Variants in SPAG16 observed in about 807,000 individuals in gnomAD.
SPAG16 encodes the protein sperm associated antigen 16.
In SPAG16, 86 loss-of-function variants were observed where a neutral mutation model predicts 80.4. The ratio of observed to expected loss-of-function variants is 1.07; its 90% confidence interval spans 0.90 to 1.28. The LOEUF is 1.28. SPAG16 is among the 50% of genes most tolerant of loss of function. The pLI is 0.00. For synonymous variants in SPAG16, 294 were observed against 265.9 expected, an observed-to-expected ratio of 1.11 and a Z score of -1.03; for missense variants, 870 against 765.3, an observed-to-expected ratio of 1.14 and a Z score of -1.61.
chr2:213,645,982 T>G (rs959974388), intron 10 of SPAG16, among the ~76,000 whole-genome samples: 121 of 152,284 alleles, frequency 7.9e-4, no homozygotes, highest in African/African-American at 2.7e-3. Flanking sequence ...GTTCCCTCAG[T>G]GGGCCAGTGT....
At chr2:213,909,202 A>C (rs2077555016) in intron 11 of SPAG16, among the ~76,000 whole-genome samples, 1 of 152,184 alleles carries the variant, frequency 6.6e-6, no homozygotes, top group African/African-American at 2.4e-5. Flanking sequence ...GGACAACTAC[A>C]AACCACTGCT....
chr2:213,672,416 C>A lies in SPAG16; in HGVS notation c.1070+182326C>A, dbSNP rs964657657. ...ATCCTTCCTTTCTCTTTCTTTCCAA[C>A]ATTGCCAACTGACAAACAACCCTTC... On this transcript the variant is annotated intron_variant, in intron 10 of 15. Transcript: ENST00000331683. 7.2e-5 allele frequency among the ~76,000 whole-genome samples: 11 copies of A among 152,052 alleles called. No individual in the cohort carries two copies. The East Asian group carries it at 9.7e-4, about 13-fold the overall frequency.
intron 10 of SPAG16, among the ~76,000 whole-genome samples, chr2:213,703,444 T>G (rs2065591312): frequency 6.6e-6 from 1 of 152,222 alleles, no homozygotes; most frequent in African/African-American, 2.4e-5. Flanking sequence ...CTCAGAAAAC[T>G]GTGAAACAAA....
intron 15 of SPAG16, among the ~76,000 whole-genome samples, chr2:214,302,674 G>T (rs1278022978): frequency 6.6e-6 from 1 of 151,978 alleles, no homozygotes; most frequent in Non-Finnish European, 1.5e-5. Flanking sequence ...TTAGAGATGG[G>T]GTTTTGCCAT....
At chr2:213,675,766 C>T (rs1350687632) in intron 10 of SPAG16, among the ~76,000 whole-genome samples, 11 of 151,898 alleles carry the variant, frequency 7.2e-5, no homozygotes, top group African/African-American at 2.7e-4. Flanking sequence ...GGTACCAGTA[C>T]CATGCTGTTT....
At chr2:214,296,561 G>A (rs1242683814) in intron 15 of SPAG16, among the ~76,000 whole-genome samples, 1 of 152,054 alleles carries the variant, frequency 6.6e-6, no homozygotes, top group Admixed American at 6.6e-5. Context: ...GTGGTTTTTT[G>A]ACTTTTTAAT....
chr2:213,780,173 C>T (rs906319543), intron 10 of SPAG16, among the ~76,000 whole-genome samples: 1 of 152,224 alleles, frequency 6.6e-6, no homozygotes, highest in African/African-American at 2.4e-5. Flanking sequence ...GGTCTGGCCT[C>T]ATCCTGCACT....
chr2:214,017,032 A>C (rs2047624753), intron 13 of SPAG16, among the ~76,000 whole-genome samples: 1 of 152,164 alleles, frequency 6.6e-6, no homozygotes, highest in Non-Finnish European at 1.5e-5. Context: ...AGGATATATG[A>C]AGAACAAAAT....
intron 14 of SPAG16, among the ~76,000 whole-genome samples, chr2:214,113,076 T>A (rs2053757871): frequency 6.6e-6 from 1 of 152,176 alleles, no homozygotes; most frequent in Admixed American, 6.5e-5. Flanking sequence ...TCTCCTTCAT[T>A]TATGAAGCTT....
At chr2:214,403,153 C>T (rs1275308291) in intron 15 of SPAG16, among the ~76,000 whole-genome samples, 1 of 151,322 alleles carries the variant, frequency 6.6e-6, no homozygotes, top group Non-Finnish European at 1.5e-5. Context: ...GCTGTGTGGC[C>T]TTGGAGAAGT....
chr2:213,297,054 T>C (rs1397558508), intron 2 of SPAG16: 2 of 1,389,580 alleles, frequency 1.4e-6, no homozygotes, highest in Admixed American at 4.8e-5. Context: ...TAATCCTGAA[T>C]TTATTAGAAG....
chr2:213,772,279 T>A (rs1436701302), intron 10 of SPAG16, among the ~76,000 whole-genome samples: 1 of 152,196 alleles, frequency 6.6e-6, no homozygotes, highest in Non-Finnish European at 1.5e-5. Context: ...TTATGATTTT[T>A]GCACATTGAT....
intron 15 of SPAG16, among the ~76,000 whole-genome samples, chr2:214,211,364 C>T (rs1286399923): frequency 6.6e-6 from 1 of 152,100 alleles, no homozygotes; most frequent in African/African-American, 2.4e-5. Flanking sequence ...GTCAGGCCCA[C>T]AAAAGTCCAC....
intron 9 of SPAG16, among the ~76,000 whole-genome samples, chr2:213,459,164 A>C (rs926108557): frequency 1.3e-5 from 2 of 152,118 alleles, no homozygotes; most frequent in African/African-American, 4.8e-5. Context: ...TCCAGTTCAC[A>C]AATTAAAGGT....
intron 10 of SPAG16, among the ~76,000 whole-genome samples, chr2:213,533,066 T>C (rs1473348493): frequency 1.3e-5 from 2 of 152,204 alleles, no homozygotes; most frequent in South Asian, 2.1e-4. Flanking sequence ...ATTCTTAGAA[T>C]ATAGTTTCTC....
At chr2:213,695,085 T>C (rs2065101376) in intron 10 of SPAG16, among the ~76,000 whole-genome samples, 1 of 152,198 alleles carries the variant, frequency 6.6e-6, no homozygotes, top group Non-Finnish European at 1.5e-5. Flanking sequence ...TTGATACCAC[T>C]GTGAGTTTAG....
chr2:213,686,006 ATATAAT>A lies in SPAG16; in HGVS notation c.1071-176473_1071-176468del, dbSNP rs763199068. On this transcript the variant is annotated intron_variant, in intron 10 of 15. Coordinates refer to ENST00000331683, the MANE Select transcript of SPAG16 (RefSeq NM_024532.5). ...AGTGTGAAATTTAATAAATTTTGAC[ATATAAT>A]TATAAAGGTATCATAATCAAGATAG... Among the ~76,000 whole-genome samples, 11 of 152,368 alleles carry A rather than the reference ATATAAT, an allele frequency of 7.2e-5. No individual in the cohort carries two copies. In the South Asian group the frequency reaches 1.0e-3, roughly 14 times the overall value.
At chr2:213,664,735 A>G (rs113823736) in intron 10 of SPAG16, among the ~76,000 whole-genome samples, 139 of 152,156 alleles carry the variant, frequency 9.1e-4, no homozygotes, top group Middle Eastern at 3.4e-3. Context: ...AACACTAAGA[A>G]ATTTCTATTA....
At chr2:214,000,412 C>G (rs917567264) in intron 12 of SPAG16, among the ~76,000 whole-genome samples, 3 of 152,130 alleles carry the variant, frequency 2.0e-5, no homozygotes, top group Admixed American at 2.0e-4. Context: ...TCCAATGAAA[C>G]CTCTTTTTCT....
Sources: gnomAD v4.1 joint callset for allele counts (sites outside exome capture counted in the v4.1 genomes callset) on GRCh38, gnomAD v4.1.1 for gene constraint, MANE v1.5 for transcripts, NCBI Gene and HGNC (gene_info 2026-07-23, HGNC 2026-07-21) for gene names.